The following PTPRT variants were observed in gnomAD, a reference collection of about 807,000 sequenced individuals.
PTPRT encodes the protein protein tyrosine phosphatase receptor type T, also known as receptor-type tyrosine-protein phosphatase T.
PTPRT carries 56 observed loss-of-function variants against 176.8 expected under a neutral mutation model. The observed-to-expected ratio is 0.32, with a 90% confidence interval of 0.26 to 0.40. The LOEUF (loss-of-function observed/expected upper bound fraction) is 0.40, where lower values mean the gene tolerates loss of function less well. Among genes scored for constraint, PTPRT ranks in the 10% least tolerant of loss-of-function variants. PTPRT has a pLI of 1.00. For missense variants in PTPRT, 1,540 were observed against 1,908.2 expected, an observed-to-expected ratio of 0.81 and a Z score of 3.60; for synonymous variants, 783 against 739.0, an observed-to-expected ratio of 1.06 and a Z score of -0.96.
chr20:42,339,391 G>A (rs190283536), intron 11 of PTPRT, among the ~76,000 whole-genome samples: 9 of 152,294 alleles, frequency 5.9e-5, no homozygotes, highest in Admixed American at 5.2e-4. Context: ...CAGCTTTTAG[G>A]AGCTAAAACT....
In PTPRT at chr20:42,980,400, C is replaced by T. The variant is rs1369072311; in HGVS notation, c.89-94468G>A. On this transcript the variant is annotated intron_variant, in intron 1 of 30. Transcript: ENST00000373187. ...ACGGGGAAATAGATGAACTTGTATT[C>T]GTGACCCCTTCTTGCTCTGACATTG... Among the ~76,000 whole-genome samples, 6 of 152,300 alleles carry T rather than the reference C, an allele frequency of 3.9e-5. No homozygotes were observed. The South Asian group carries it at 1.0e-3, about 26-fold the overall frequency.
At chr20:42,184,449 C>T (rs368781254) in intron 16 of PTPRT, among the ~76,000 whole-genome samples, 1 of 147,134 alleles carries the variant, frequency 6.8e-6, no homozygotes, top group African/African-American at 2.5e-5. Context: ...TCCCTCCCTT[C>T]CTTCTTCCCT....
chr20:42,052,482 C>T, the PTPRT span, among the ~76,000 whole-genome samples: 9 of 152,192 alleles, frequency 5.9e-5, no homozygotes, highest in African/African-American at 2.2e-4. Flanking sequence ...GTGGCCCCCC[C>T]ACACCCCGCA....
rs139949061 is a variant in PTPRT at position 42,551,925 on chromosome 20, A to G, written c.1154-79363T>C. Among the ~76,000 whole-genome samples, 850 of 152,288 alleles carry G rather than the reference A, an allele frequency of 5.6e-3. 12 individuals carry two copies. Among genetic ancestry groups the G allele is most frequent in the African/African-American group, 0.02 (813 of 41,562 alleles). On this transcript the variant is annotated intron_variant, in intron 7 of 30. Coordinates refer to ENST00000373187, the MANE Select transcript of PTPRT (RefSeq NM_007050.6). ...TTCTACTATTTAGCAATTCCTGGAT[A>G]ATCTGACTGATCTCAAACTTTCATT... is the stretch of plus-strand genomic sequence containing the variant.
intron 2 of PTPRT, among the ~76,000 whole-genome samples, chr20:42,856,338 T>G (rs539642866): frequency 1.5e-4 from 23 of 152,262 alleles, no homozygotes; most frequent in African/African-American, 5.1e-4. Context: ...CCCACTGATA[T>G]AGTGGTCAAG....
At chr20:42,455,091 T>C (rs1417094278) in intron 8 of PTPRT, among the ~76,000 whole-genome samples, 1 of 152,178 alleles carries the variant, frequency 6.6e-6, no homozygotes. Flanking sequence ...ATGATGATAA[T>C]GATAATTCCA....
chr20:43,065,781 G>A (rs1370892007), intron 1 of PTPRT, among the ~76,000 whole-genome samples: 1 of 152,190 alleles, frequency 6.6e-6, no homozygotes, highest in African/African-American at 2.4e-5. Flanking sequence ...AGGTGATGTT[G>A]CCTCATAGAT....
intron 13 of PTPRT, among the ~76,000 whole-genome samples, chr20:42,281,960 C>A (rs935138644): frequency 2.0e-5 from 3 of 152,084 alleles, no homozygotes; most frequent in African/African-American, 7.2e-5. Context: ...AAGTGATGAG[C>A]CTGAACAATG....
intron 5 of PTPRT, among the ~76,000 whole-genome samples, chr20:42,769,610 A>C (rs1040061246): frequency 6.6e-6 from 1 of 152,080 alleles, no homozygotes; most frequent in African/African-American, 2.4e-5. Flanking sequence ...CTGCCATTCC[A>C]CTTCTAATTC....
At chr20:42,907,280 A>G (rs2079490598) in intron 1 of PTPRT, among the ~76,000 whole-genome samples, 1 of 152,192 alleles carries the variant, frequency 6.6e-6, no homozygotes, top group African/African-American at 2.4e-5. Flanking sequence ...AAAGCCACAC[A>G]GAGACCCCAA....
At chr20:43,083,349 T>TATACAC (rs2011508263) in intron 1 of PTPRT, among the ~76,000 whole-genome samples, 16 of 117,388 alleles carry the variant, frequency 1.4e-4, no homozygotes, top group South Asian at 2.7e-4. Flanking sequence ...TATATATATA[T>TATACAC]ATATATATAT....
At chr20:42,738,250 T>A (rs1331467279) in intron 6 of PTPRT, among the ~76,000 whole-genome samples, 1 of 152,168 alleles carries the variant, frequency 6.6e-6, no homozygotes, top group Non-Finnish European at 1.5e-5. Flanking sequence ...TGGTAGCTCA[T>A]GCCTGTAATC....
intron 16 of PTPRT, among the ~76,000 whole-genome samples, chr20:42,184,444 C>CCCTT (rs1990643302): frequency 6.7e-6 from 1 of 148,236 alleles, no homozygotes; most frequent in African/African-American, 2.5e-5. Flanking sequence ...TTCCCTCCCT[C>CCCTT]CCTTCCTTCT....
chr20:42,605,101 C>T (rs930574914), intron 7 of PTPRT, among the ~76,000 whole-genome samples: 2 of 152,204 alleles, frequency 1.3e-5, no homozygotes, highest in African/African-American at 4.8e-5. Flanking sequence ...GACCCAAGCA[C>T]TACAGGGAGA....
At chr20:42,265,051 T>C (rs1049595086) in intron 13 of PTPRT, among the ~76,000 whole-genome samples, 2 of 152,238 alleles carry the variant, frequency 1.3e-5, no homozygotes, top group Non-Finnish European at 2.9e-5. Flanking sequence ...AAGTCTAAGA[T>C]AATGAAGTTT....
At chr20:42,962,577 A>G (rs1982050750) in intron 1 of PTPRT, among the ~76,000 whole-genome samples, 1 of 152,266 alleles carries the variant, frequency 6.6e-6, no homozygotes, top group South Asian at 2.1e-4. Context: ...ACATTTATAT[A>G]AGTAAATGAC....
chr20:42,861,127 CA>C (rs1211748810), intron 2 of PTPRT, among the ~76,000 whole-genome samples: 2 of 152,170 alleles, frequency 1.3e-5, no homozygotes, highest in South Asian at 2.1e-4. Flanking sequence ...GACAGAAGAC[CA>C]GGGGGTGGCT....
intron 9 of PTPRT, among the ~76,000 whole-genome samples, chr20:42,414,315 A>G (rs1454869840): frequency 2.6e-5 from 4 of 152,222 alleles, no homozygotes; most frequent in Non-Finnish European, 5.9e-5. Context: ...CTCATATCCA[A>G]ATTTTGCTTT....
At chr20:42,974,617 A>G (rs927230416) in intron 1 of PTPRT, among the ~76,000 whole-genome samples, 3 of 152,216 alleles carry the variant, frequency 2.0e-5, no homozygotes, top group Non-Finnish European at 4.4e-5. Flanking sequence ...AAATGAGATC[A>G]TATCTGCTAA....
Sources: gnomAD v4.1 joint callset for allele counts (sites outside exome capture counted in the v4.1 genomes callset) on GRCh38, gnomAD v4.1.1 for gene constraint, MANE v1.5 for transcripts, NCBI Gene and HGNC (gene_info 2026-07-23, HGNC 2026-07-21) for gene names.